KIF9: variants seen among roughly 807,000 people sequenced by gnomAD.
KIF9 encodes kinesin family member 9, also known as kinesin-like protein KIF9.
In KIF9, 68 loss-of-function variants were observed where a neutral mutation model predicts 94.8. The ratio of observed to expected loss-of-function variants is 0.72; its 90% CI spans 0.59 to 0.88. The LOEUF (loss-of-function observed/expected upper bound fraction) is 0.88, where lower values mean the gene tolerates loss of function less well. Among genes scored for constraint, KIF9 ranks in the 40% least tolerant of loss-of-function variants. The pLI is 0.00. For synonymous variants in KIF9, 343 were observed against 362.1 expected (o/e 0.95, Z 0.60); for missense variants, 882 against 982.5 (o/e 0.90, Z 1.37).
chr3:47,247,582 C>T (rs886639610), intron 11 of KIF9, 105 bp from the exon 12 acceptor site: 2 of 852,436 alleles, frequency 2.3e-6, no homozygotes, highest in South Asian at 2.9e-5. Flanking sequence ...TGGGCACAGG[C>T]CCTGGCTGCC....
At chr3:47,246,164 T>C (rs377125310) in intron 13 of KIF9, 33 bp downstream of exon 13, 57 of 1,592,982 alleles carry the variant, frequency 3.6e-5, no homozygotes, top group Non-Finnish European at 4.7e-5. Context: ...GGCAGCCTGA[T>C]GTAGGAATGA....
At chr3:47,235,697 C>T in intron 19 of KIF9, 80 bp from the exon 20 acceptor site, 3 of 1,184,308 alleles carry the variant, frequency 2.5e-6, no homozygotes, top group Non-Finnish European at 3.8e-6. Flanking sequence ...AGGGCAGTCC[C>T]TTGCTGGGTT....
rs1702457302 is a variant in KIF9, at chr3:47,282,484, C to A, written c.-6+11G>T. 6 of 990,710 alleles carry A rather than the reference C, an allele frequency of 6.1e-6. No individual in the cohort carries two copies. In the African/African-American group the frequency reaches 1.0e-4, roughly 17 times the overall value. The allele number at this position is 990,710 out of a possible 1,614,324, so 61.4% of individuals were successfully genotyped here. ...TCTCCCCACTCCCACCGGCGAGCAG[C>A]CCCTGCTCACCGTTCACCAGGCAGC... On this transcript the variant is annotated intron_variant, in intron 1 of 20. Transcript: ENST00000684063.
intron 10 of KIF9, among the ~76,000 whole-genome samples, chr3:47,252,767 C>A (rs545629609): frequency 2.0e-4 from 30 of 152,096 alleles, no homozygotes; most frequent in Non-Finnish European, 4.0e-4. Context: ...GCAATCCCAG[C>A]CCTTTGGGAG....
At chr3:47,247,928 C>T (rs2107250591) in intron 11 of KIF9, 90 bp downstream of exon 11, 2 of 995,378 alleles carry the variant, frequency 2.0e-6, no homozygotes, top group African/African-American at 1.6e-5. Flanking sequence ...TTGGCCTTGA[C>T]CCATGATGCT....
chr3:47,238,124 A>G (rs1407697986), intron 17 of KIF9, among the ~76,000 whole-genome samples: 1 of 151,998 alleles, frequency 6.6e-6, no homozygotes, highest in Non-Finnish European at 1.5e-5. Context: ...TTCTTGAATT[A>G]CTGGCCTCAA....
chr3:47,279,842 C>T (rs945060591), intron 1 of KIF9, among the ~76,000 whole-genome samples: 8 of 152,166 alleles, frequency 5.3e-5, no homozygotes, highest in Non-Finnish European at 1.0e-4. Flanking sequence ...TGGTCTCGAT[C>T]TCCTGACCTC....
chr3:47,253,536 C>T (rs1287411786), intron 10 of KIF9, among the ~76,000 whole-genome samples: 1 of 152,100 alleles, frequency 6.6e-6, no homozygotes, highest in Non-Finnish European at 1.5e-5. Flanking sequence ...ATCCACTCCC[C>T]TCCCATCCCA....
At chr3:47,263,228 T>G (rs1297138186) in intron 9 of KIF9, among the ~76,000 whole-genome samples, 2 of 152,192 alleles carry the variant, frequency 1.3e-5, no homozygotes, top group African/African-American at 4.8e-5. Context: ...TGGGTGGCAC[T>G]TCAGAGGAAG....
intron 1 of KIF9, among the ~76,000 whole-genome samples, chr3:47,277,906 T>G (rs909784251): frequency 1.3e-5 from 2 of 152,170 alleles, no homozygotes; most frequent in African/African-American, 4.8e-5. Flanking sequence ...CTTTCTTCTC[T>G]TACTATATTG....
chr3:47,273,805 G>C, intron 3 of KIF9, 147 bp from the exon 4 acceptor site: 1 of 722,670 alleles, frequency 1.4e-6, no homozygotes, highest in South Asian at 1.6e-5. Flanking sequence ...TTCCACCATG[G>C]AAGAGGATGG....
At chr3:47,245,773 C>T (rs775089458) in intron 13 of KIF9, 95 of 528,746 alleles carry the variant, frequency 1.8e-4, no homozygotes, top group Non-Finnish European at 2.6e-4. Flanking sequence ...TGATAAGGAC[C>T]GTAAGCTTCA....
intron 10 of KIF9, among the ~76,000 whole-genome samples, chr3:47,254,116 T>C (rs750127340): frequency 2.0e-5 from 3 of 152,204 alleles, no homozygotes; most frequent in Admixed American, 2.0e-4. Context: ...TGAGCATGGA[T>C]TGTGTTATCT....
intron 10 of KIF9, among the ~76,000 whole-genome samples, chr3:47,254,026 A>G (rs945597181): frequency 6.6e-6 from 1 of 152,216 alleles, no homozygotes; most frequent in Admixed American, 6.5e-5. Flanking sequence ...GTGCTAAACA[A>G]CATTTATTGA....
chr3:47,251,185 C>T lies in KIF9; in HGVS notation c.1060-3099G>A, dbSNP rs533822448. The stretch of plus-strand genomic sequence containing the variant: ...TATCATGGCCCAGCTACAGAAAGTT[C>T]GACTGAGCCATCAGGGTCCTCCAGC... On this transcript the variant is annotated intron_variant, in intron 10 of 20. Coordinates refer to ENST00000684063, the MANE Select transcript of KIF9 (RefSeq NM_182902.4). 8.5e-5 allele frequency among the ~76,000 whole-genome samples: 13 copies of T among 152,324 alleles called. 1 individual carries two copies. The South Asian group carries it at 2.1e-3, about 24-fold the overall frequency.
chr3:47,254,626 A>T (rs1470494625), intron 10 of KIF9, among the ~76,000 whole-genome samples: 1 of 152,174 alleles, frequency 6.6e-6, no homozygotes, highest in African/African-American at 2.4e-5. Context: ...CACACAAAAA[A>T]GTGTAGGTAT....
intron 10 of KIF9, among the ~76,000 whole-genome samples, chr3:47,253,976 T>C (rs1000750863): frequency 5.3e-5 from 8 of 152,370 alleles, no homozygotes; most frequent in African/African-American, 1.7e-4. Context: ...AGACTATATA[T>C]ACCTAGAAGC....
At chr3:47,234,703 T>A (rs1167264902) in intron 20 of KIF9, among the ~76,000 whole-genome samples, 51 of 150,478 alleles carry the variant, frequency 3.4e-4, no homozygotes, top group African/African-American at 1.3e-3. Context: ...TACAGACATG[T>A]GCCACCACGC....
chr3:47,251,708 T>C (rs1323666829), intron 10 of KIF9, among the ~76,000 whole-genome samples: 1 of 152,212 alleles, frequency 6.6e-6, no homozygotes, highest in East Asian at 1.9e-4. Context: ...AAGCTGCACA[T>C]CAGGCTGTGG....
Sources: allele counts gnomAD v4.1 joint callset (sites outside exome capture counted in the v4.1 genomes callset), GRCh38; gene constraint gnomAD v4.1.1; transcripts MANE v1.5; gene names NCBI Gene and HGNC (gene_info 2026-07-23, HGNC 2026-07-21).